ARHGAP21: variants seen among roughly 807,000 people sequenced by gnomAD.
ARHGAP21 encodes the protein rho GTPase-activating protein 21.
In ARHGAP21, 38 loss-of-function variants were observed where a neutral mutation model predicts 164.6. The ratio of observed to expected loss-of-function variants is 0.23; its 90% confidence interval spans 0.18 to 0.30. ARHGAP21 has a LOEUF of 0.30. Among genes scored for constraint, ARHGAP21 ranks in the 10% least tolerant of loss-of-function variants. The pLI, the probability that ARHGAP21 is intolerant of heterozygous loss-of-function variation, is 1.00. For missense variants in ARHGAP21, 1,822 were observed against 2,370.7 expected, an observed-to-expected ratio of 0.77 and a Z score of 4.81; for synonymous variants, 766 against 857.9, an observed-to-expected ratio of 0.89 and a Z score of 1.87.
At chr10:24,628,503 G>C (rs1202658653) in intron 7 of ARHGAP21, among the ~76,000 whole-genome samples, 1 of 151,640 alleles carries the variant, frequency 6.6e-6, no homozygotes. Context: ...TACAAATGAA[G>C]AACATTACTA....
In ARHGAP21 at chr10:24,687,465, T is replaced by C. The variant is rs181851757; in HGVS notation, c.64-17068A>G. Among the ~76,000 whole-genome samples, 4 of 152,360 alleles carry C rather than the reference T, an allele frequency of 2.6e-5. No individual in the cohort carries two copies. The East Asian group carries it at 7.7e-4, about 29-fold the overall frequency. ...TGTTCTTATTTCCTTATTTCTCCAT[T>C]TTCCTCATTTGAGGCAGTGAGTGCA... On this transcript the variant is annotated intron_variant, in intron 2 of 25. Coordinates refer to ENST00000396432, the MANE Select transcript of ARHGAP21 (RefSeq NM_020824.4).
At chr10:24,624,909 C>T (rs1834945994) in intron 7 of ARHGAP21, among the ~76,000 whole-genome samples, 2 of 151,476 alleles carry the variant, frequency 1.3e-5, no homozygotes, top group Non-Finnish European at 2.9e-5. Context: ...TTTTGTATAC[C>T]ACTTCACATT....
intron 4 of ARHGAP21, among the ~76,000 whole-genome samples, chr10:24,656,381 G>T (rs1413264401): frequency 8.7e-5 from 9 of 103,820 alleles, no homozygotes; most frequent in East Asian, 3.3e-4. Context: ...CCCCGTCCGG[G>T]AGGGAGGTGG....
At chr10:24,604,516 A>G (rs1219549219) in intron 11 of ARHGAP21, among the ~76,000 whole-genome samples, 168 bp from the exon 12 acceptor site, 2 of 152,234 alleles carry the variant, frequency 1.3e-5, no homozygotes, top group South Asian at 2.1e-4. Flanking sequence ...CTAATTTTAT[A>G]AAAAATGTTC....
Position 24,641,135 on chromosome 10 carries a change from TA to T in ARHGAP21, c.269-6033del, listed in dbSNP as rs990060365. ...TTGTTGACAACAGGCTTCTAACTTT[TA>T]TTTTGGGAATATGGTTTACTGGTAT... On this transcript the variant is annotated intron_variant, in intron 4 of 25. Transcript: ENST00000396432. 1.8e-3 allele frequency among the ~76,000 whole-genome samples: 277 copies of T among 152,344 alleles called. 1 individual carries two copies. The highest frequency in any genetic ancestry group is 6.5e-3 in the African/African-American group (269 of 41,592).
intron 7 of ARHGAP21, among the ~76,000 whole-genome samples, chr10:24,626,437 G>C (rs1593076319): frequency 6.6e-6 from 1 of 152,126 alleles, no homozygotes; most frequent in African/African-American, 2.4e-5. Flanking sequence ...CCTTATAAAA[G>C]AAGCCACAGA....
intron 11 of ARHGAP21, among the ~76,000 whole-genome samples, chr10:24,606,261 A>G (rs1006772664): frequency 2.0e-5 from 3 of 152,154 alleles, no homozygotes; most frequent in Non-Finnish European, 2.9e-5. Flanking sequence ...TTTAAAAAAA[A>G]TGAAAAATAT....
rs546520122 is a variant in ARHGAP21, at chr10:24,601,081, G to C, written c.2848-151C>G. On this transcript the variant is annotated intron_variant, in intron 13 of 25. Transcript: ENST00000396432. The stretch of plus-strand genomic sequence containing the variant: ...GCTCACTACATTATTTGTGAGGAGA[G>C]GAAGGATAAAAATTGTGGAGCATAA... 3.3e-6 allele frequency: 3 copies of C among 917,576 alleles called. No homozygotes were observed. The South Asian group carries it at 5.5e-5, about 17-fold the overall frequency. The allele number at this position is 917,576 out of a possible 1,614,324, so 56.8% of individuals were successfully genotyped here.
intron 2 of ARHGAP21, among the ~76,000 whole-genome samples, chr10:24,708,019 T>C (rs937379326): frequency 2.6e-5 from 4 of 152,216 alleles, no homozygotes; most frequent in Non-Finnish European, 4.4e-5. Context: ...TTTTATAGGA[T>C]GCAGAATATA....
At chr10:24,720,843 C>T (rs1425971512) in intron 2 of ARHGAP21, among the ~76,000 whole-genome samples, 2 of 152,098 alleles carry the variant, frequency 1.3e-5, no homozygotes, top group African/African-American at 4.8e-5. Context: ...ATCCTCAACC[C>T]TTCAATGAAA....
chr10:24,704,528 A>C (rs1312205779), intron 2 of ARHGAP21, among the ~76,000 whole-genome samples: 1 of 151,214 alleles, frequency 6.6e-6, no homozygotes, highest in Non-Finnish European at 1.5e-5. Flanking sequence ...ACAGTGGCAC[A>C]ATCTCGGCTC....
At chr10:24,667,651 T>C (rs894900218) in intron 3 of ARHGAP21, among the ~76,000 whole-genome samples, 3 of 152,158 alleles carry the variant, frequency 2.0e-5, no homozygotes, top group African/African-American at 7.2e-5. Flanking sequence ...GCTGAGCCTC[T>C]ACCATACTGG....
chr10:24,616,666 T>C (rs1565021093), intron 9 of ARHGAP21, among the ~76,000 whole-genome samples: 1 of 152,170 alleles, frequency 6.6e-6, no homozygotes, highest in Non-Finnish European at 1.5e-5. Flanking sequence ...ACCCTGAGTG[T>C]AGGTAACAGT....
chr10:24,638,678 G>A (rs1348086496), intron 4 of ARHGAP21, among the ~76,000 whole-genome samples: 1 of 152,178 alleles, frequency 6.6e-6, no homozygotes, highest in Non-Finnish European at 1.5e-5. Context: ...CATGGGACAT[G>A]TTTCAAAGAA....
chr10:24,589,181 T>C (rs2076230820), intron 25 of ARHGAP21, 90 bp downstream of exon 25: 3 of 1,082,960 alleles, frequency 2.8e-6, no homozygotes, highest in Admixed American at 1.9e-5. Flanking sequence ...TCATTAGACA[T>C]AGAGAGGAAT....
chr10:24,675,123 T>G lies in ARHGAP21; in HGVS notation c.64-4726A>C, dbSNP rs540537402. Among the ~76,000 whole-genome samples the G allele has an allele frequency of 2.4e-3, 361 of 152,334 alleles. 17 individuals are homozygous for G. In the South Asian group the frequency reaches 0.074, roughly 31 times the overall value. On this transcript the variant is annotated intron_variant, in intron 2 of 25. Transcript: ENST00000396432. ...GTCAACAGAAAGACTTGTACATAAA[T>G]GTGCATAGCAACTTTATTATAGCCA...
intron 2 of ARHGAP21, among the ~76,000 whole-genome samples, chr10:24,709,738 TA>T (rs201779827): frequency 0.18 from 23,164 of 130,874 alleles, 2,084 homozygotes; most frequent in Middle Eastern, 0.36. Context: ...AACCTTCTCT[TA>T]AAAAAAAAAA....
intron 2 of ARHGAP21, among the ~76,000 whole-genome samples, chr10:24,689,166 C>A (rs919650843): frequency 6.6e-6 from 1 of 152,142 alleles, no homozygotes; most frequent in African/African-American, 2.4e-5. Context: ...AGTGACACAG[C>A]TTGGACTAGA....
chr10:24,591,363 C>T (rs751969123), intron 23 of ARHGAP21, 33 bp from the exon 24 acceptor site: 1 of 1,529,860 alleles, frequency 6.5e-7, no homozygotes, highest in Admixed American at 1.8e-5. Flanking sequence ...TCTTCATCAT[C>T]TCTTCAAAGA....
Sources: gnomAD v4.1 joint callset for allele counts (sites outside exome capture counted in the v4.1 genomes callset) on GRCh38, gnomAD v4.1.1 for gene constraint, MANE v1.5 for transcripts, NCBI Gene and HGNC (gene_info 2026-07-23, HGNC 2026-07-21) for gene names.